Variants in PIGS observed in about 807,000 individuals in gnomAD.
PIGS encodes phosphatidylinositol glycan anchor biosynthesis class S.
In PIGS, 37 loss-of-function variants were observed where a neutral mutation model predicts 58.2. The observed-to-expected ratio is 0.64, with a 90% CI of 0.49 to 0.84. PIGS has a LOEUF of 0.84. PIGS is among the 40% of genes least tolerant of loss of function. The pLI is 0.00. For missense variants in PIGS, 629 were observed against 710.8 expected (o/e 0.88, Z 1.31); for synonymous variants, 269 against 289.2 (o/e 0.93, Z 0.71).
chr17:28,571,213 G>A, intron 1 of PIGS, 25 bp from the exon 2 acceptor site: 2 of 1,607,798 alleles, frequency 1.2e-6, no homozygotes, highest in Non-Finnish European at 1.7e-6. Context: ...AACCGACTGA[G>A]GCGCTGGAAA....
At chr17:28,567,920 A>G (rs2070403031) in intron 3 of PIGS, among the ~76,000 whole-genome samples, 1 of 152,142 alleles carries the variant, frequency 6.6e-6, no homozygotes, top group Non-Finnish European at 1.5e-5. Flanking sequence ...CTTCCCCCAG[A>G]TATCTGCACA....
At chr17:28,568,131 G>A (rs1203664784) in intron 3 of PIGS, among the ~76,000 whole-genome samples, 2 of 151,038 alleles carry the variant, frequency 1.3e-5, no homozygotes, top group African/African-American at 4.9e-5. Flanking sequence ...TTTTGAGATG[G>A]AGTCTTTGTC....
intron 3 of PIGS, among the ~76,000 whole-genome samples, chr17:28,568,925 G>A (rs925338295): frequency 8.6e-5 from 13 of 151,372 alleles, no homozygotes; most frequent in African/African-American, 2.4e-4. Context: ...GTGAAACCCC[G>A]TATCTACTAA....
chr17:28,563,402 G>A (rs966551937), intron 5 of PIGS, 29 bp downstream of exon 5: 6 of 1,582,810 alleles, frequency 3.8e-6, no homozygotes, highest in East Asian at 4.5e-5. Context: ...AAGGGATAAG[G>A]CAAAGTCGCA....
At chr17:28,566,766 G>C (rs185215304) in intron 3 of PIGS, among the ~76,000 whole-genome samples, 1 of 152,140 alleles carries the variant, frequency 6.6e-6, no homozygotes, top group East Asian at 1.9e-4. Context: ...GCGAATTTGT[G>C]TATGTTTAGT....
At chr17:28,563,358 G>T in intron 5 of PIGS, 73 bp downstream of exon 5, 1 of 1,242,662 alleles carries the variant, frequency 8.0e-7, no homozygotes, top group Non-Finnish European at 1.2e-6. Flanking sequence ...TAGCAATGAT[G>T]CAAGAAGGAG....
rs1480454481 is a variant in PIGS at position 28,553,956 on chromosome 17, C to A, written c.*264G>T. On this transcript the variant is annotated 3_prime_UTR_variant, in exon 12 of 12. Transcript: ENST00000308360. ...CCTTGCCACAGAGGGAGACAGGCAGCAGCCTTATCAAACAAGATAAGGAGA... is the reference window on the plus strand; with the variant it reads ...CCTTGCCACAGAGGGAGACAGGCAGAAGCCTTATCAAACAAGATAAGGAGA... 4.0e-6 allele frequency: 2 copies of A among 498,204 alleles called. No individual in the cohort carries two copies. Among genetic ancestry groups the A allele is most frequent in the Non-Finnish European group, 7.3e-6 (2 of 275,644 alleles). 30.9% of individuals were successfully genotyped at this position (498,204 alleles called of 1,614,324 possible). A position where few individuals can be genotyped will look rare whatever the true frequency, so the allele number is the denominator to read the frequency against.
Position 28,556,309 on chromosome 17 carries a change from T to A in PIGS, c.1081-43A>T, listed in dbSNP as rs768875837. 3 of 1,438,558 alleles carry A rather than the reference T, an allele frequency of 2.1e-6. No individual in the cohort carries two copies. In the African/African-American group the frequency reaches 4.2e-5, roughly 20 times the overall value. The allele number at this position is 1,438,558 out of a possible 1,614,324, so 89.1% of individuals were successfully genotyped here. Reference sequence around the variant, plus strand: ...ATTGCCACAACATCATACCAGGCCCTTGCACAGCTCTGCCCTAGGCACTCT... The same window carrying A: ...ATTGCCACAACATCATACCAGGCCCATGCACAGCTCTGCCCTAGGCACTCT... On this transcript the variant is annotated intron_variant, in intron 9 of 11. Coordinates refer to ENST00000308360, the MANE Select transcript of PIGS (RefSeq NM_033198.4).
At chr17:28,561,185 G>A (rs1235264487) in intron 6 of PIGS, among the ~76,000 whole-genome samples, 1 of 152,056 alleles carries the variant, frequency 6.6e-6, no homozygotes, top group Non-Finnish European at 1.5e-5. Context: ...GTGAACCCGG[G>A]AGGCGGAGCT....
chr17:28,571,328 C>A, intron 1 of PIGS, 135 bp downstream of exon 1: 1 of 1,518,004 alleles, frequency 6.6e-7, no homozygotes, highest in African/African-American at 1.4e-5. Flanking sequence ...CCGGCCCAAG[C>A]CTGAAGGGAA....
chr17:28,565,804 C>T (rs1167094104), intron 3 of PIGS, among the ~76,000 whole-genome samples: 2 of 152,120 alleles, frequency 1.3e-5, no homozygotes, highest in African/African-American at 2.4e-5. Flanking sequence ...CCAAGACAGG[C>T]GGACTGCTCG....
rs770657785 is a variant in PIGS, at chr17:28,560,061, A to C, written c.807T>G (p.Ser269=). ...CTCCCGGTCTCACCTGAGAGTCCACAGAGAAGTTGCCAGCGGCACCGAGGG... is the reference window on the plus strand; with the variant it reads ...CTCCCGGTCTCACCTGAGAGTCCACCGAGAAGTTGCCAGCGGCACCGAGGG... ...LNALGAAGNF[S]VDSQILYYAM... The change falls in exon 7 of 12, where the codon TCT becomes TCG. Residue 269 remains serine (S), a synonymous_variant. Transcript: ENST00000308360. The C allele has an allele frequency of 3.1e-6, 5 of 1,611,138 alleles. No homozygotes were observed. Among genetic ancestry groups the C allele is most frequent in the Non-Finnish European group, 3.4e-6 (4 of 1,179,080 alleles).
chr17:28,560,482 G>T, intron 6 of PIGS: 10 of 312,180 alleles, frequency 3.2e-5, no homozygotes, highest in Admixed American at 5.5e-5. Context: ...CATCTCTACT[G>T]AAAATACAAA....
rs753117785 is a variant in PIGS at position 28,563,863 on chromosome 17, C to A, written c.331G>T (p.Ala111Ser). Residue 111 changes from alanine to serine, a missense_variant, in exon 4 of 12, where the codon GCT (alanine) becomes TCT (serine). Coordinates refer to ENST00000308360, the MANE Select transcript of PIGS (RefSeq NM_033198.4). ...KCRFQKAYRR[A>S]LDHEEEALSS... ...AGGGCCTCCTCCTCATGGTCCAAAG[C>A]CCTCCGATAGGCCTTCTGGAAACGG... is the stretch of plus-strand genomic sequence containing the variant. 6.2e-7 allele frequency: 1 copy of A among 1,614,182 alleles called. No individual in the cohort carries two copies. Among genetic ancestry groups the A allele is most frequent in the Non-Finnish European group, 8.5e-7 (1 of 1,180,018 alleles).
In PIGS at chr17:28,556,815, T is replaced by C. The variant is rs1245639888; in HGVS notation, c.1080+12A>G. 6.2e-7 allele frequency: 1 copy of C among 1,612,546 alleles called. No homozygotes were observed. Reference sequence around the variant, plus strand: ...AGCATGGGCTCTGGGGTCTGCGTAGTGTGACTATTACCATAATGCCACCCC... The same window carrying C: ...AGCATGGGCTCTGGGGTCTGCGTAGCGTGACTATTACCATAATGCCACCCC... On this transcript the variant is annotated intron_variant, in intron 9 of 11. Coordinates refer to ENST00000308360, the MANE Select transcript of PIGS (RefSeq NM_033198.4).
chr17:28,562,632 C>G (rs1243159183), intron 5 of PIGS, among the ~76,000 whole-genome samples: 1 of 152,048 alleles, frequency 6.6e-6, no homozygotes, highest in Non-Finnish European at 1.5e-5. Context: ...TGGGGTTTCA[C>G]CATGTTGACC....
intron 5 of PIGS, among the ~76,000 whole-genome samples, chr17:28,562,806 G>A (rs554641824): frequency 2.0e-5 from 3 of 152,120 alleles, no homozygotes; most frequent in Non-Finnish European, 4.4e-5. Flanking sequence ...CCACCTCCCA[G>A]GCTCAAGCGC....
rs1238306809 is a variant in PIGS at position 28,560,162 on chromosome 17, G to C, written c.706C>G (p.Pro236Ala). 6.2e-7 allele frequency: 1 copy of C among 1,612,292 alleles called. No homozygotes were observed. The highest frequency in any genetic ancestry group is 8.5e-7 in the Non-Finnish European group (1 of 1,179,342). The change falls in exon 7 of 12, where the codon CCA becomes GCA. Residue 236 changes from proline to alanine, a missense_variant. Transcript: ENST00000308360. ...GYEITFSLLN[P>A]DPKSHDVYWD... ...TAGACATCATGGGACTTGGGGTCTG[G>C]GTTGAGTAAACTGAAGGTGATCTCA... is the stretch of plus-strand genomic sequence containing the variant.
At chr17:28,568,516 G>A (rs903903834) in intron 3 of PIGS, among the ~76,000 whole-genome samples, 7 of 152,146 alleles carry the variant, frequency 4.6e-5, no homozygotes, top group East Asian at 1.9e-4. Flanking sequence ...AATGAACAAC[G>A]CTATTACTAT....
Sources: allele counts gnomAD v4.1 joint callset (sites outside exome capture counted in the v4.1 genomes callset), GRCh38; gene constraint gnomAD v4.1.1; transcripts MANE v1.5; gene names NCBI Gene and HGNC (gene_info 2026-07-23, HGNC 2026-07-21).